Variants in CASZ1 observed in about 807,000 individuals in gnomAD.
The protein encoded by CASZ1 is zinc finger protein castor homolog 1.
Under a neutral mutation model 135.2 loss-of-function variants are expected in CASZ1, and 28 were observed. That is an observed-to-expected ratio of 0.21 (90% CI 0.15 to 0.28). The LOEUF (loss-of-function observed/expected upper bound fraction) is 0.28. Ranked by LOEUF, CASZ1 falls within the 10% of genes least tolerant of loss-of-function variation. CASZ1 has a pLI of 1.00. For synonymous variants in CASZ1, 1,068 were observed against 1,073.4 expected, an observed-to-expected ratio of 0.99 and a Z score of 0.10; for missense variants, 2,161 against 2,453.3, an observed-to-expected ratio of 0.88 and a Z score of 2.52.
At chr1:10,778,425 ACCACACACAT>A (rs956971689) in intron 1 of CASZ1, among the ~76,000 whole-genome samples, 2 of 151,768 alleles carry the variant, frequency 1.3e-5, no homozygotes, top group Admixed American at 1.3e-4. Flanking sequence ...ATCACACACA[ACCACACACAT>A]CCTCATACAA....
chr1:10,639,146 G>A lies in CASZ1; in HGVS notation c.5076C>T (p.Asp1692=). 2 of 1,097,790 alleles carry A rather than the reference G, an allele frequency of 1.8e-6. No individual in the cohort carries two copies. Among genetic ancestry groups the A allele is most frequent in the Non-Finnish European group, 1.1e-6 (1 of 888,004 alleles). 68.0% of individuals were successfully genotyped at this position (1,097,790 alleles called of 1,614,324 possible). ...CGTCCTCGTCGTCGTCCTCGTCCTCGTCGTCTTCGGCCTCCTCCTCCGGCA... is the reference window on the plus strand; with the variant it reads ...CGTCCTCGTCGTCGTCCTCGTCCTCATCGTCTTCGGCCTCCTCCTCCGGCA... ...LELPEEEAED[D]EDEDDDEDDD... is the part of the protein sequence containing the mutation. The change falls in exon 21 of 21, where the codon GAC becomes GAT. Residue 1692 remains aspartate, a synonymous_variant. Transcript: ENST00000377022. The surrounding 1 kb of genome is among the most constrained non-coding windows in gnomAD (Gnocchi z 4.0).
In CASZ1 at chr1:10,665,604, G is replaced by A. The variant is rs1643210883; in HGVS notation, c.17-33C>T. The A allele has an allele frequency of 4.0e-6, 6 of 1,503,384 alleles. No individual in the cohort carries two copies. In the East Asian group the frequency reaches 1.4e-4, roughly 35 times the overall value. The allele number at this position is 1,503,384 out of a possible 1,614,324, so 93.1% of individuals were successfully genotyped here. On this transcript the variant is annotated intron_variant, in intron 4 of 20. Coordinates refer to ENST00000377022, the MANE Select transcript of CASZ1 (RefSeq NM_001079843.3). ...GATGGAGGAGAGCACGGAGGTCAGA[G>A]GCGTGCAAGGCCAAGAACAACCCAC... is the stretch of plus-strand genomic sequence containing the variant.
rs1272094004 is a variant in CASZ1, at chr1:10,653,861, G to C, written c.2196C>G (p.Ser732Arg). 6.2e-7 allele frequency: 1 copy of C among 1,611,632 alleles called. No homozygotes were observed. ...NDDLVDFSAL[S>R]SKNSSLSASP... ...AGGCGCTCAGGCTGGAGTTCTTGCT[G>C]CTCAGGGCGGAGAAGTCAACAAGGT... Residue 732 changes from serine (S) to arginine (R), a missense_variant, in exon 11 of 21, where the codon AGC becomes AGG. This residue lies in a region of CASZ1 where 406 missense variants were observed against 387.6 expected (regional missense o/e 1.05). Coordinates refer to ENST00000377022, the MANE Select transcript of CASZ1 (RefSeq NM_001079843.3).
At chr1:10,650,229 C>A (rs1286019884) in intron 13 of CASZ1, 1 of 152,066 alleles carries the variant, frequency 6.6e-6, no homozygotes, top group Non-Finnish European at 1.5e-5. Flanking sequence ...TTACAAAGAC[C>A]CTGCATTATT....
At chr1:10,640,308 T>G (rs893353706) in intron 20 of CASZ1, among the ~76,000 whole-genome samples, 9 of 151,778 alleles carry the variant, frequency 5.9e-5, no homozygotes, top group East Asian at 3.9e-4. Flanking sequence ...CCCCGGGGGG[T>G]GGCAGCCCAA....
chr1:10,645,387 G>A (rs978573328), intron 17 of CASZ1, among the ~76,000 whole-genome samples: 8 of 152,126 alleles, frequency 5.3e-5, no homozygotes, highest in African/African-American at 1.7e-4. Flanking sequence ...AAAATTAGCC[G>A]GGCGTGGTGG....
chr1:10,649,133 T>C lies in CASZ1; in HGVS notation c.3095A>G (p.His1032Arg). 1.2e-6 allele frequency: 2 copies of C among 1,613,730 alleles called. No homozygotes were observed. Among genetic ancestry groups the C allele is most frequent in the African/African-American group, 1.3e-5 (1 of 75,058 alleles). ...CGCGCCGCATTCCTCCACCACGCAG[T>C]GGAAGTGGGCCTTGTGGAGGAAGTC... ...QCDFLHKAHF[H>R]CVVEECGALF... The change falls in exon 15 of 21, where the codon CAC becomes CGC. Residue 1032 changes from histidine to arginine, a missense_variant. Physicochemically the swap from His to Arg is conservative, Grantham distance 29. Transcript: ENST00000377022.
chr1:10,718,294 C>T (rs991631970), intron 2 of CASZ1, among the ~76,000 whole-genome samples: 2 of 152,270 alleles, frequency 1.3e-5, no homozygotes, highest in East Asian at 1.9e-4. Context: ...CCCACCTCCT[C>T]GGCCCTGACT....
Position 10,717,688 on chromosome 1 carries a change from C to T in CASZ1, c.-76-12144G>A, listed in dbSNP as rs932514216. On this transcript the variant is annotated intron_variant, in intron 2 of 20. Coordinates refer to ENST00000377022, the MANE Select transcript of CASZ1 (RefSeq NM_001079843.3). This position sits in a 1 kb window ranked among gnomAD's most constrained non-coding sequence, Gnocchi z 4.6. The stretch of plus-strand genomic sequence containing the variant: ...GGGGACAGGGGCGGAGGTAGAAAAC[C>T]CTTGCCAATTCCCCCCCAACTGATG... 1.3e-5 allele frequency among the ~76,000 whole-genome samples: 2 copies of T among 152,114 alleles called. No homozygotes were observed. Among genetic ancestry groups the T allele is most frequent in the African/African-American group, 2.4e-5 (1 of 41,420 alleles).
intron 2 of CASZ1, among the ~76,000 whole-genome samples, chr1:10,723,127 G>A (rs1022972340): frequency 6.6e-6 from 1 of 152,266 alleles, no homozygotes; most frequent in Non-Finnish European, 1.5e-5. Flanking sequence ...AGGCTGGCTG[G>A]TCACTGAACA....
Position 10,639,116 on chromosome 1 carries a change from G to C in CASZ1, c.5106C>G (p.Asp1702Glu), listed in dbSNP as rs770293169. Reference protein sequence around the residue: ...DEDEDDDEDDDDEDDDEDDDD... With the variant: ...DEDEDDDEDDEDEDDDEDDDD... ...CGTCGTCCTCGTCGTCGTCCTCGTC[G>C]TCGTCGTCCTCGTCGTCGTCCTCGT... is the stretch of plus-strand genomic sequence containing the variant. The change falls in exon 21 of 21, where the codon GAC becomes GAG. Residue 1702 changes from aspartate to glutamate, a missense_variant. Physicochemically the swap from Asp to Glu is conservative, Grantham distance 45. Transcript: ENST00000377022. This position sits in a 1 kb window ranked among gnomAD's most constrained non-coding sequence, Gnocchi z 4.0. The C allele has an allele frequency of 2.4e-5, 28 of 1,154,686 alleles. No individual in the cohort carries two copies. Among genetic ancestry groups the C allele is most frequent in the East Asian group, 1.2e-4 (2 of 16,940 alleles). The allele number at this position is 1,154,686 out of a possible 1,614,324, so 71.5% of individuals were successfully genotyped here.
At chr1:10,708,051 G>A (rs944804327) in intron 2 of CASZ1, among the ~76,000 whole-genome samples, 3 of 152,286 alleles carry the variant, frequency 2.0e-5, no homozygotes, top group East Asian at 1.9e-4. Context: ...CTGTCCATCT[G>A]TCCATCCATC....
At position 10,724,477 on chromosome 1, in the gene CASZ1, C is replaced by A. The variant is rs942748008; in HGVS notation, c.-76-18933G>T. Among the ~76,000 whole-genome samples the A allele has an allele frequency of 6.6e-6, 1 of 152,206 alleles. No individual in the cohort carries two copies. The highest frequency in any genetic ancestry group is 2.4e-5 in the African/African-American group (1 of 41,446). ...CAGGTGGTACCTACCAGCTGTCAGCCACCCCAGGCATGTCGGGAGCTAGAA... is the reference window on the plus strand; with the variant it reads ...CAGGTGGTACCTACCAGCTGTCAGCAACCCCAGGCATGTCGGGAGCTAGAA... On this transcript the variant is annotated intron_variant, in intron 2 of 20. Transcript: ENST00000377022. The surrounding 1 kb of genome is among the most constrained non-coding windows in gnomAD (Gnocchi z 4.1).
At chr1:10,789,637 C>A (rs1380086543) in intron 1 of CASZ1, among the ~76,000 whole-genome samples, 1 of 151,724 alleles carries the variant, frequency 6.6e-6, no homozygotes, top group Non-Finnish European at 1.5e-5. Context: ...AGGACAAATC[C>A]AGACCAAAAG....
chr1:10,646,468 A>G lies in CASZ1; in HGVS notation c.3498-142T>C, dbSNP rs1557460221. On this transcript the variant is annotated intron_variant, in intron 16 of 20. Coordinates refer to ENST00000377022, the MANE Select transcript of CASZ1 (RefSeq NM_001079843.3). The surrounding 1 kb of genome is among the most constrained non-coding windows in gnomAD (Gnocchi z 6.4). ...GATGGCCTGGGCTGCTGTCCTGCTCAACAGGATGACTCAGCTGGAGACTAC... is the reference window on the plus strand; with the variant it reads ...GATGGCCTGGGCTGCTGTCCTGCTCGACAGGATGACTCAGCTGGAGACTAC... 8.0e-6 allele frequency: 6 copies of G among 748,626 alleles called. No homozygotes were observed. Among genetic ancestry groups the G allele is most frequent in the Non-Finnish European group, 1.4e-5 (6 of 441,660 alleles). 46.4% of individuals were successfully genotyped at this position (748,626 alleles called of 1,614,324 possible).
At chr1:10,795,915 C>T (rs1641058621) in intron 1 of CASZ1, among the ~76,000 whole-genome samples, 1 of 152,134 alleles carries the variant, frequency 6.6e-6, no homozygotes, top group Non-Finnish European at 1.5e-5. Flanking sequence ...CACCTACACC[C>T]GGTATCCGGG....
At position 10,719,648 on chromosome 1, in the gene CASZ1, C is replaced by G. The variant is rs546473600; in HGVS notation, c.-76-14104G>C. Among the ~76,000 whole-genome samples, 1 of 152,344 alleles carries G rather than the reference C, an allele frequency of 6.6e-6. No homozygotes were observed. The highest frequency in any genetic ancestry group is 2.1e-4 in the South Asian group (1 of 4,830). ...GAGCAGATGCATGACTCAATTCAAC[C>G]AGGGAGCTGGGCCATGCCCTCAGGT... is the stretch of plus-strand genomic sequence containing the variant. On this transcript the variant is annotated intron_variant, in intron 2 of 20. Coordinates refer to ENST00000377022, the MANE Select transcript of CASZ1 (RefSeq NM_001079843.3). This position sits in a 1 kb window ranked among gnomAD's most constrained non-coding sequence, Gnocchi z 4.0.
chr1:10,662,429 T>G (rs894935390), intron 5 of CASZ1, among the ~76,000 whole-genome samples: 2 of 151,638 alleles, frequency 1.3e-5, no homozygotes, highest in African/African-American at 4.9e-5. Flanking sequence ...AATACACACA[T>G]GCCTTATTAC....
chr1:10,640,749 C>G (rs914561752), intron 20 of CASZ1, among the ~76,000 whole-genome samples: 1 of 152,156 alleles, frequency 6.6e-6, no homozygotes, highest in Non-Finnish European at 1.5e-5. Flanking sequence ...TGCTCAGAGT[C>G]GTAATTTACC....
Sources: allele counts gnomAD v4.1 joint callset (sites outside exome capture counted in the v4.1 genomes callset), GRCh38; gene constraint gnomAD v4.1.1; regional missense constraint gnomAD v4.1.1; non-coding constraint Gnocchi (gnomAD v3.1); transcripts MANE v1.5; gene names NCBI Gene and HGNC (gene_info 2026-07-23, HGNC 2026-07-21).